The following RFX4 variants were observed in gnomAD, a reference collection of about 807,000 sequenced individuals.
RFX4 encodes the protein transcription factor RFX4.
Under a neutral mutation model 95.0 loss-of-function variants are expected in RFX4, and 10 were observed. The ratio of observed to expected loss-of-function variants is 0.11; its 90% confidence interval spans 0.06 to 0.18. The LOEUF (loss-of-function observed/expected upper bound fraction) is 0.18. RFX4 is among the 10% of genes least tolerant of loss of function. RFX4 has a pLI of 1.00. For synonymous variants in RFX4, 321 were observed against 340.7 expected, an observed-to-expected ratio of 0.94 and a Z score of 0.64; for missense variants, 640 against 922.0, an observed-to-expected ratio of 0.69 and a Z score of 3.96.
chr12:106,705,248 A>G (rs528025359), intron 8 of RFX4, among the ~76,000 whole-genome samples: 2 of 152,352 alleles, frequency 1.3e-5, no homozygotes, highest in South Asian at 4.1e-4. Flanking sequence ...AACTGCTGTT[A>G]TCACCGTTGT....
intron 17 of RFX4, among the ~76,000 whole-genome samples, chr12:106,759,840 A>C (rs747817518): frequency 6.6e-6 from 1 of 152,042 alleles, no homozygotes; most frequent in African/African-American, 2.4e-5. Flanking sequence ...CATCCTATGT[A>C]GGGGGAAAAA....
chr12:106,749,809 C>G (rs2042965664), intron 16 of RFX4, among the ~76,000 whole-genome samples: 1 of 152,126 alleles, frequency 6.6e-6, no homozygotes, highest in Admixed American at 6.5e-5. Context: ...AGTCGTGGAG[C>G]CTGATTTAGA....
chr12:106,652,499 CAG>C (rs961018912), intron 3 of RFX4, among the ~76,000 whole-genome samples: 1 of 152,190 alleles, frequency 6.6e-6, no homozygotes, highest in African/African-American at 2.4e-5. Context: ...AGAATTGACT[CAG>C]ACACTATCCC....
intron 4 of RFX4, among the ~76,000 whole-genome samples, chr12:106,655,620 C>T (rs1381091361): frequency 6.6e-6 from 1 of 152,204 alleles, no homozygotes; most frequent in East Asian, 1.9e-4. Context: ...AAACCCCTCG[C>T]AGAGGCCACA....
At chr12:106,658,643 C>T (rs1389685558) in intron 4 of RFX4, among the ~76,000 whole-genome samples, 1 of 152,174 alleles carries the variant, frequency 6.6e-6, no homozygotes, top group African/African-American at 2.4e-5. Context: ...CAACAAGAGT[C>T]ATTTGACAAA....
intron 10 of RFX4, among the ~76,000 whole-genome samples, chr12:106,712,386 G>A (rs535418308): frequency 2.0e-5 from 3 of 152,228 alleles, no homozygotes; most frequent in Non-Finnish European, 4.4e-5. Context: ...AGCAGCCACC[G>A]TCCTCATTCC....
intron 15 of RFX4, among the ~76,000 whole-genome samples, chr12:106,734,650 G>A (rs1262849366): frequency 6.6e-6 from 1 of 151,508 alleles, no homozygotes; most frequent in East Asian, 1.9e-4. Flanking sequence ...AGTCACCCAA[G>A]CATCCGTGGA....
chr12:106,621,155 G>A (rs140467845), intron 2 of RFX4, among the ~76,000 whole-genome samples: 1,658 of 152,238 alleles, frequency 0.011, 15 homozygotes, highest in Admixed American at 0.019. Flanking sequence ...CTCAGCTTAC[G>A]AATATAACAG....
At chr12:106,678,327 C>A (rs1306200886) in intron 4 of RFX4, among the ~76,000 whole-genome samples, 1 of 152,150 alleles carries the variant, frequency 6.6e-6, no homozygotes, top group Non-Finnish European at 1.5e-5. Context: ...TGTAGGATAC[C>A]ATTTGGATAA....
At chr12:106,637,497 C>A (rs2040536952) in intron 2 of RFX4, among the ~76,000 whole-genome samples, 1 of 151,928 alleles carries the variant, frequency 6.6e-6, no homozygotes, top group Non-Finnish European at 1.5e-5. Context: ...AAATTTTATG[C>A]CACAGATTGA....
rs757891821 is a variant in RFX4 at position 106,696,437 on chromosome 12, T to C, written c.824T>C (p.Leu275Ser). 1.9e-6 allele frequency: 3 copies of C among 1,614,144 alleles called. No homozygotes were observed. The highest frequency in any genetic ancestry group is 2.5e-6 in the Non-Finnish European group (3 of 1,180,000). ...CTGATGCCCACTGTGCTGCAGGCAT[T>C]ACCTGACAGGTGGGCATGCTTATTC... is the stretch of plus-strand genomic sequence containing the variant. ...GVLMPTVLQA[L>S]PDSLTQVIRK... The change falls in exon 8 of 18, where the codon TTA (leucine) becomes TCA (serine). Residue 275 changes from leucine (L) to serine (S), a missense_variant. Leu to Ser is a moderately radical substitution (Grantham distance 145). Coordinates refer to ENST00000392842, the MANE Select transcript of RFX4 (RefSeq NM_213594.3).
intron 16 of RFX4, among the ~76,000 whole-genome samples, chr12:106,748,317 A>G (rs1166760078): frequency 1.3e-5 from 2 of 152,152 alleles, no homozygotes; most frequent in South Asian, 4.1e-4. Context: ...ACAGAGCTTC[A>G]TCTTAGGTTC....
intron 1 of RFX4, among the ~76,000 whole-genome samples, chr12:106,608,061 C>T (rs925733342): frequency 5.3e-5 from 8 of 152,062 alleles, no homozygotes; most frequent in Non-Finnish European, 1.0e-4. Context: ...AACTTGGTGG[C>T]GGGTGCCTTC....
rs189905415 is a variant in RFX4, at chr12:106,591,188, G to A, written c.43+7825G>A. On this transcript the variant is annotated intron_variant, in intron 1 of 17. Coordinates refer to ENST00000392842, the MANE Select transcript of RFX4 (RefSeq NM_213594.3). Reference sequence around the variant, plus strand: ...AGGGTGGCAGTGGGAGGAATGCCCAGTAACATACGTAGCATTTTAGCAAAA... The same window carrying A: ...AGGGTGGCAGTGGGAGGAATGCCCAATAACATACGTAGCATTTTAGCAAAA... Among the ~76,000 whole-genome samples, 11 of 147,958 alleles carry A rather than the reference G, an allele frequency of 7.4e-5. No homozygotes were observed. The East Asian group carries it at 2.0e-3, about 27-fold the overall frequency.
In RFX4 at chr12:106,720,775, A is replaced by G; in HGVS notation, c.1250A>G (p.Gln417Arg). 3 of 1,614,014 alleles carry G rather than the reference A, an allele frequency of 1.9e-6. No individual in the cohort carries two copies. The highest frequency in any genetic ancestry group is 2.2e-5 in the South Asian group (2 of 91,074). The change falls in exon 13 of 18, where the codon CAA becomes CGA. Residue 417 changes from glutamine (Q) to arginine (R), a missense_variant. This residue lies in a region of RFX4 where 72 missense variants were observed against 80.5 expected (regional missense o/e 0.89). Coordinates refer to ENST00000392842, the MANE Select transcript of RFX4 (RefSeq NM_213594.3). This position sits in a 1 kb window ranked among gnomAD's most constrained non-coding sequence, Gnocchi z 4.2. The part of the protein sequence containing the change: ...RCVVKVAAKR[Q>R]GSLKKVAQQF... ...TTCTTGTAGGTGGCTGCCAAGAGAC[A>G]AGGGTCCTTGAAGAAAGTGGCCCAG...
At chr12:106,614,789 G>A (rs992492267) in intron 2 of RFX4, among the ~76,000 whole-genome samples, 36 of 152,046 alleles carry the variant, frequency 2.4e-4, no homozygotes, top group Non-Finnish European at 4.7e-4. Flanking sequence ...GATTACAGGC[G>A]TGAGCCACCA....
At chr12:106,709,305 T>C (rs900326272) in intron 8 of RFX4, 25 bp from the exon 9 acceptor site, 2 of 1,598,024 alleles carry the variant, frequency 1.3e-6, no homozygotes, top group African/African-American at 2.7e-5. Flanking sequence ...GTGCAGCACT[T>C]AAAACTCATC....
intron 2 of RFX4, among the ~76,000 whole-genome samples, chr12:106,616,897 ACT>A (rs2040084062): frequency 6.6e-6 from 1 of 151,144 alleles, no homozygotes; most frequent in Non-Finnish European, 1.5e-5. Flanking sequence ...AGTAGCTGGG[ACT>A]ACAGGTGTGC....
chr12:106,661,585 G>A (rs1383785838), intron 4 of RFX4, among the ~76,000 whole-genome samples: 2 of 152,040 alleles, frequency 1.3e-5, no homozygotes, highest in Non-Finnish European at 2.9e-5. Context: ...ATTCACTCTT[G>A]GTGAATTCAC....
Sources: allele counts gnomAD v4.1 joint callset (sites outside exome capture counted in the v4.1 genomes callset), GRCh38; gene constraint gnomAD v4.1.1; regional missense constraint gnomAD v4.1.1; non-coding constraint Gnocchi (gnomAD v3.1); transcripts MANE v1.5; gene names NCBI Gene and HGNC (gene_info 2026-07-23, HGNC 2026-07-21).